Variants in SYTL2 observed in about 807,000 individuals in gnomAD.
The protein encoded by SYTL2 is synaptotagmin-like protein 2.
SYTL2 carries 165 observed loss-of-function variants against 198.7 expected under a neutral mutation model. That is an observed-to-expected ratio of 0.83 (90% CI 0.73 to 0.94). The LOEUF is 0.94. Ranked by LOEUF, SYTL2 falls within the 40% of genes least tolerant of loss-of-function variation. The pLI, the probability that SYTL2 is intolerant of heterozygous loss-of-function variation, is 0.00. For missense variants in SYTL2, 2,835 were observed against 2,582.8 expected, an observed-to-expected ratio of 1.10 and a Z score of -2.12; for synonymous variants, 966 against 917.7, an observed-to-expected ratio of 1.05 and a Z score of -0.95.
intron 17 of SYTL2, among the ~76,000 whole-genome samples, chr11:85,699,349 T>C (rs2083896894): frequency 1.3e-5 from 2 of 151,888 alleles, no homozygotes; most frequent in African/African-American, 4.8e-5. Context: ...AATTCAGACA[T>C]GGTGGCACCC....
intron 4 of SYTL2, 64 bp downstream of exon 4, chr11:85,745,573 C>T (rs1284855443): frequency 1.3e-5 from 21 of 1,561,856 alleles, no homozygotes; most frequent in Non-Finnish European, 1.7e-5. Context: ...TGCCATTCTG[C>T]CCATGTGACA....
the SYTL2 span, chr11:85,854,845 A>C: frequency 6.6e-6 from 1 of 152,286 alleles, no homozygotes; most frequent in African/African-American, 2.4e-5. Context: ...CTGTGTCTAC[A>C]GTCACCAACT....
At chr11:85,713,413 A>G (rs1230166796) in intron 12 of SYTL2, among the ~76,000 whole-genome samples, 1 of 152,174 alleles carries the variant, frequency 6.6e-6, no homozygotes, top group Admixed American at 6.5e-5. Flanking sequence ...GATACCCCAC[A>G]ACCTCACGTG....
At chr11:85,766,756 A>G (rs1348848011) in intron 1 of SYTL2, among the ~76,000 whole-genome samples, 3 of 152,252 alleles carry the variant, frequency 2.0e-5, no homozygotes, top group African/African-American at 7.2e-5. Context: ...AACAAGCCCA[A>G]GAAGTCTCAC....
rs56177666 is a variant in SYTL2 at position 85,787,701 on chromosome 11, C to CTTT, written c.-390+23250_-390+23252dup. ...CTTTTTTCTGTTTTTTTTTCTTTTC[C>CTTT]TTTTTTTTTTTTTTTTTTGTATTTT... On this transcript the variant is annotated intron_variant, in intron 1 of 19. Transcript: ENST00000359152. 1.5e-4 allele frequency among the ~76,000 whole-genome samples: 14 copies of CTTT among 90,412 alleles called. 1 individual carries two copies. The highest frequency in any genetic ancestry group is 2.7e-4 in the Non-Finnish European group (11 of 40,714). 59.3% of individuals were successfully genotyped at this position (90,412 alleles called of 152,430 possible).
chr11:85,825,221 T>C, the SYTL2 span, among the ~76,000 whole-genome samples: 5 of 151,870 alleles, frequency 3.3e-5, no homozygotes, highest in African/African-American at 1.2e-4. Flanking sequence ...ACCCCGTCTC[T>C]ACTAAAAATA....
intron 9 of SYTL2, chr11:85,719,390 CTGATGG>C: frequency 9.9e-7 from 1 of 1,011,834 alleles, no homozygotes; most frequent in South Asian, 2.9e-5. Flanking sequence ...TACCCGTCAG[CTGATGG>C]TGATTTTTTT....
chr11:85,842,127 A>G, the SYTL2 span, among the ~76,000 whole-genome samples: 2 of 152,196 alleles, frequency 1.3e-5, no homozygotes, highest in African/African-American at 4.8e-5. Flanking sequence ...AAAGACTGAC[A>G]CTGAATGAGT....
the SYTL2 span, among the ~76,000 whole-genome samples, chr11:85,845,168 A>G: frequency 1.3e-5 from 2 of 152,196 alleles, no homozygotes; most frequent in African/African-American, 4.8e-5. Context: ...GGTTTTCCAC[A>G]GCACCTTGCT....
At chr11:85,822,270 G>A in the SYTL2 span, among the ~76,000 whole-genome samples, 1 of 152,174 alleles carries the variant, frequency 6.6e-6, no homozygotes, top group Non-Finnish European at 1.5e-5. Flanking sequence ...CATGGGGTCT[G>A]GAATGGCTAC....
At chr11:85,746,049 C>T (rs1027533513) in intron 3 of SYTL2, among the ~76,000 whole-genome samples, 1 of 152,148 alleles carries the variant, frequency 6.6e-6, no homozygotes, top group Non-Finnish European at 1.5e-5. Flanking sequence ...AAAATTCTGA[C>T]TGCCTCTAGG....
the SYTL2 span, among the ~76,000 whole-genome samples, chr11:85,831,412 C>T: frequency 6.6e-6 from 1 of 151,978 alleles, no homozygotes; most frequent in Non-Finnish European, 1.5e-5. Flanking sequence ...AACTGCAGAG[C>T]AAATCTCAAA....
At chr11:85,773,864 T>C (rs1009364766) in intron 1 of SYTL2, among the ~76,000 whole-genome samples, 1 of 152,212 alleles carries the variant, frequency 6.6e-6, no homozygotes, top group Non-Finnish European at 1.5e-5. Context: ...CTGAAAAATA[T>C]ATATTAAATT....
chr11:85,699,442 T>G (rs1039790860), intron 17 of SYTL2, among the ~76,000 whole-genome samples: 1 of 152,190 alleles, frequency 6.6e-6, no homozygotes, highest in African/African-American at 2.4e-5. Flanking sequence ...ATGTTGACTT[T>G]AAATGATAGG....
chr11:85,764,292 C>G (rs1489889016), intron 1 of SYTL2, among the ~76,000 whole-genome samples: 1 of 152,210 alleles, frequency 6.6e-6, no homozygotes, highest in Non-Finnish European at 1.5e-5. Context: ...TCATTTCCCT[C>G]CAGACTGAAA....
intron 13 of SYTL2, among the ~76,000 whole-genome samples, chr11:85,710,418 AG>A: frequency 6.6e-6 from 1 of 152,362 alleles, no homozygotes; most frequent in South Asian, 2.1e-4. Context: ...AAGGCTAGCA[AG>A]AATTTAAGCA....
intron 16 of SYTL2, among the ~76,000 whole-genome samples, chr11:85,702,823 A>C (rs1262527151): frequency 2.0e-5 from 3 of 152,250 alleles, no homozygotes. Flanking sequence ...AGATTTTAAA[A>C]AATAGATAAG....
the SYTL2 span, among the ~76,000 whole-genome samples, chr11:85,827,565 A>C: frequency 1.3e-5 from 2 of 152,222 alleles, no homozygotes; most frequent in Middle Eastern, 3.4e-3. Flanking sequence ...CCTGCCTGCC[A>C]ACTCCTCCAT....
At chr11:85,743,150 A>C (rs1040665280) in intron 4 of SYTL2, among the ~76,000 whole-genome samples, 1 of 152,228 alleles carries the variant, frequency 6.6e-6, no homozygotes, top group Non-Finnish European at 1.5e-5. Flanking sequence ...TGGCTAAGGA[A>C]ATACTGACAG....
Sources: allele counts gnomAD v4.1 joint callset (sites outside exome capture counted in the v4.1 genomes callset), GRCh38; gene constraint gnomAD v4.1.1; transcripts MANE v1.5; gene names NCBI Gene and HGNC (gene_info 2026-07-23, HGNC 2026-07-21).